The following FAT2 variants were observed in gnomAD, a reference collection of about 807,000 sequenced individuals.
FAT2 encodes FAT atypical cadherin 2, also known as protocadherin Fat 2.
In FAT2, 150 loss-of-function variants were observed where a neutral mutation model predicts 295.3. The ratio of observed to expected loss-of-function variants is 0.51; its 90% CI spans 0.44 to 0.58. The LOEUF (loss-of-function observed/expected upper bound fraction) is 0.58. FAT2 is among the 20% of genes least tolerant of loss of function. The pLI, the probability that FAT2 is intolerant of heterozygous loss-of-function variation, is 0.00. For synonymous variants in FAT2, 2,026 were observed against 2,150.3 expected, an observed-to-expected ratio of 0.94 and a Z score of 1.60; for missense variants, 4,868 against 5,442.7, an observed-to-expected ratio of 0.89 and a Z score of 3.32.
chr5:151,565,848 G>A lies in FAT2; in HGVS notation c.3084C>T (p.His1028=). The change falls in exon 2 of 24, where the codon CAC becomes CAT. Residue 1028 remains histidine, a synonymous_variant. Transcript: ENST00000261800. ...GCACGAAGGAGGCAAAGTGGGGAGG[G>A]TGGAGATTCTCATTCACATCCAGGA... ...VIVLDVNENL[H]PPHFASFVHQ... is the part of the protein sequence containing the mutation. 6.2e-7 allele frequency: 1 copy of A among 1,614,156 alleles called. No individual in the cohort carries two copies. Among genetic ancestry groups the A allele is most frequent in the Non-Finnish European group, 8.5e-7 (1 of 1,180,032 alleles).
chr5:151,517,809 C>T (rs1753016844), intron 19 of FAT2, 44 bp from the exon 20 acceptor site: 2 of 1,608,024 alleles, frequency 1.2e-6, no homozygotes, highest in African/African-American at 1.3e-5. Context: ...GAAGTGGTCC[C>T]CATTGAGCCC....
chr5:151,583,658 T>C (rs745925382), intron 1 of FAT2, among the ~76,000 whole-genome samples: 5 of 152,164 alleles, frequency 3.3e-5, no homozygotes, highest in Non-Finnish European at 7.4e-5. Context: ...TGTACACTTA[T>C]GATTTGTGCA....
At chr5:151,526,464 AT>A (rs1753989050) in intron 17 of FAT2, among the ~76,000 whole-genome samples, 2 of 152,218 alleles carry the variant, frequency 1.3e-5, no homozygotes, top group South Asian at 4.1e-4. Flanking sequence ...CCTGAGTATC[AT>A]TTTAGCCTTT....
chr5:151,526,222 G>C (rs1395245600), intron 17 of FAT2, among the ~76,000 whole-genome samples: 1 of 152,200 alleles, frequency 6.6e-6, no homozygotes, highest in Non-Finnish European at 1.5e-5. Flanking sequence ...AGGATCCTTA[G>C]AGAACAAAGG....
chr5:151,535,480 A>AC (rs1395370371), intron 12 of FAT2, among the ~76,000 whole-genome samples: 2 of 152,142 alleles, frequency 1.3e-5, no homozygotes, highest in African/African-American at 4.8e-5. Context: ...ATATAGCTGA[A>AC]CACAGGGCGG....
chr5:151,582,323 C>G (rs1010576979), intron 1 of FAT2, among the ~76,000 whole-genome samples: 1 of 152,230 alleles, frequency 6.6e-6, no homozygotes, highest in Non-Finnish European at 1.5e-5. Flanking sequence ...ACCCAGCCAT[C>G]AGCAGACACA....
At position 151,543,213 on chromosome 5, in the gene FAT2, T is replaced by C; in HGVS notation, c.7914A>G (p.Pro2638=). The change falls in exon 10 of 24, where the codon CCA becomes CCG. Residue 2638 remains proline (P), a synonymous_variant. Transcript: ENST00000261800. The part of the protein sequence containing the change: ...DLVKDVIEIN[P]VTGVVKVKDS... ...CTTTCACCTTGACCACACCAGTGAC[T>C]GGGTTAATTTCAATGACATCTTTAA... The C allele has an allele frequency of 5.0e-6, 8 of 1,614,206 alleles. No individual in the cohort carries two copies. Among genetic ancestry groups the C allele is most frequent in the Non-Finnish European group, 6.8e-6 (8 of 1,180,022 alleles).
intron 8 of FAT2, 33 bp downstream of exon 8, chr5:151,550,557 A>C: frequency 6.2e-7 from 1 of 1,610,962 alleles, no homozygotes; most frequent in Non-Finnish European, 8.5e-7. Flanking sequence ...CTACATGCAA[A>C]CGTATTCTCA....
At chr5:151,537,491 C>CTAAAATAAATTTTAAAAGAA (rs1755562316) in intron 12 of FAT2, among the ~76,000 whole-genome samples, 1 of 151,046 alleles carries the variant, frequency 6.6e-6, no homozygotes, top group South Asian at 2.1e-4. Flanking sequence ...GTCAGCTGTG[C>CTAAAATAAATTTTAAAAGAA]TAAAATAAAT....
Position 151,529,289 on chromosome 5 carries a change from G to A in FAT2, c.9915C>T (p.Thr3305=), listed in dbSNP as rs941050858. 1 of 1,613,960 alleles carries A rather than the reference G, an allele frequency of 6.2e-7. No individual in the cohort carries two copies. The highest frequency in any genetic ancestry group is 8.5e-7 in the Non-Finnish European group (1 of 1,179,964). The part of the protein sequence containing the change: ...RKSSSSLSDV[T]TVMVNITDVN... Reference sequence around the variant, plus strand: ...CATCAGTGATGTTGACCATGACTGTGGTCACGTCACTGAGGGAAGAGGAGC... The same window carrying A: ...CATCAGTGATGTTGACCATGACTGTAGTCACGTCACTGAGGGAAGAGGAGC... Residue 3305 remains threonine (T), a synonymous_variant, in exon 15 of 24, where the codon ACC becomes ACT. Coordinates refer to ENST00000261800, the MANE Select transcript of FAT2 (RefSeq NM_001447.3).
In FAT2 at chr5:151,566,173, T is replaced by C; in HGVS notation, c.2759A>G (p.Asp920Gly). ...TTCTGTGATGCACTGGGGAGAGTTG[T>C]CGTTGACATCCTCCAATGTGATTAT... ...DLIITLEDVN[D>G]NSPQCITEHN... The change falls in exon 2 of 24, where the codon GAC becomes GGC. Residue 920 changes from aspartate (D) to glycine (G), a missense_variant. Asp to Gly is a moderately conservative substitution (Grantham distance 94). Around this residue, in one of 5 missense-constraint regions of FAT2, gnomAD observed 3,297 missense variants for 3,669.4 expected, o/e 0.90. Transcript: ENST00000261800. 6.2e-7 allele frequency: 1 copy of C among 1,614,166 alleles called. No individual in the cohort carries two copies. Among genetic ancestry groups the C allele is most frequent in the Non-Finnish European group, 8.5e-7 (1 of 1,180,036 alleles).
In FAT2 at chr5:151,578,768, G is replaced by A. The variant is rs1758836222; in HGVS notation, c.-20-9817C>T. Among the ~76,000 whole-genome samples, 10 of 152,202 alleles carry A rather than the reference G, an allele frequency of 6.6e-5. No individual in the cohort carries two copies. The South Asian group carries it at 2.1e-3, about 31-fold the overall frequency. ...AAGAAAATATGGCCTATATACACAA[G>A]AGAATGTCATTCAGCCTTAAAAGGT... On this transcript the variant is annotated intron_variant, in intron 1 of 23. Coordinates refer to ENST00000261800, the MANE Select transcript of FAT2 (RefSeq NM_001447.3).
rs374768613 is a variant in FAT2, at chr5:151,534,648, C to A, written c.9194-6G>T. On this transcript the variant is annotated splice_polypyrimidine_tract_variant and splice_region_variant and intron_variant, in intron 12 of 23. Transcript: ENST00000261800. ...AGTGAGTGTGGTCAGCTCCCCTGGTCGGAGAAATGACAAAAGTTGAGCTTT... is the reference window on the plus strand; with the variant it reads ...AGTGAGTGTGGTCAGCTCCCCTGGTAGGAGAAATGACAAAAGTTGAGCTTT... 8 of 1,600,254 alleles carry A rather than the reference C, an allele frequency of 5.0e-6. No homozygotes were observed. In the East Asian group the frequency reaches 1.6e-4, roughly 31 times the overall value.
At chr5:151,526,561 T>C (rs1255184149) in intron 17 of FAT2, among the ~76,000 whole-genome samples, 1 of 152,250 alleles carries the variant, frequency 6.6e-6, no homozygotes, top group Non-Finnish European at 1.5e-5. Context: ...GGGCAGAAAC[T>C]GATCGTTGCC....
At chr5:151,548,881 A>G (rs1351669496) in intron 9 of FAT2, among the ~76,000 whole-genome samples, 1 of 152,256 alleles carries the variant, frequency 6.6e-6, no homozygotes, top group East Asian at 1.9e-4. Flanking sequence ...ATAAACCCAT[A>G]AAATAGATAC....
Position 151,505,874 on chromosome 5 carries a change from G to A in FAT2, c.12741C>T (p.Asn4247=). 1 of 1,606,018 alleles carries A rather than the reference G, an allele frequency of 6.2e-7. No homozygotes were observed. The highest frequency in any genetic ancestry group is 8.5e-7 in the Non-Finnish European group (1 of 1,177,672). The change falls in exon 24 of 24, where the codon AAC becomes AAT. Residue 4247 remains asparagine, a synonymous_variant. Coordinates refer to ENST00000261800, the MANE Select transcript of FAT2 (RefSeq NM_001447.3). ...APLPPRYSNQ[N]LEDLMPSRPP... ...GCCGAGAGGGCATCAGATCTTCCAG[G>A]TTCTGGTTGCTGTAACGGGGTGGGA...
Position 151,546,035 on chromosome 5 carries a change from T to A in FAT2, c.5092A>T (p.Asn1698Tyr). The change falls in exon 10 of 24, where the codon AAT becomes TAT. Residue 1698 changes from asparagine (N) to tyrosine (Y), a missense_variant. By Grantham distance (143) the Asn-to-Tyr change is moderately radical. This residue lies in a region of FAT2 where 3,297 missense variants were observed against 3,669.4 expected (regional missense o/e 0.90). Coordinates refer to ENST00000261800, the MANE Select transcript of FAT2 (RefSeq NM_001447.3). ...TTCATAGAGAAGACTCCATCCTTAT[T>A]TCCCTCTCTTAACTCATAGGTAACT... ...SEVTYELREGNKDGVFSMNSY... is the reference protein window; with the variant it reads ...SEVTYELREGYKDGVFSMNSY... 1.2e-6 allele frequency: 2 copies of A among 1,614,184 alleles called. No individual in the cohort carries two copies. The highest frequency in any genetic ancestry group is 1.7e-6 in the Non-Finnish European group (2 of 1,180,030).
chr5:151,542,494 T>C lies in FAT2; in HGVS notation c.8633A>G (p.Tyr2878Cys). 1.9e-6 allele frequency: 3 copies of C among 1,614,198 alleles called. No individual in the cohort carries two copies. The highest frequency in any genetic ancestry group is 1.1e-5 in the South Asian group (1 of 91,088). Residue 2878 changes from tyrosine (Y) to cysteine (C), a missense_variant, in exon 10 of 24, where the codon TAT becomes TGT. Physicochemically the swap from Tyr to Cys is radical, Grantham distance 194 (BLOSUM62 -2). Around this residue, in one of 5 missense-constraint regions of FAT2, gnomAD observed 3,297 missense variants for 3,669.4 expected, o/e 0.90. Coordinates refer to ENST00000261800, the MANE Select transcript of FAT2 (RefSeq NM_001447.3). ...CQTYHFHVVAYDHGQTIQLSS... is the reference protein window; with the variant it reads ...CQTYHFHVVACDHGQTIQLSS... Reference sequence around the variant, plus strand: ...TAGCTGGATGGTCTGTCCGTGGTCATAGGCCACCACATGAAAATGATAAGT... The same window carrying C: ...TAGCTGGATGGTCTGTCCGTGGTCACAGGCCACCACATGAAAATGATAAGT...
In FAT2 at chr5:151,505,646, G is replaced by C. The variant is rs746927092; in HGVS notation, c.12969C>G (p.Gly4323=). Residue 4323 remains glycine (G), a synonymous_variant, in exon 24 of 24, where the codon GGC becomes GGG. Coordinates refer to ENST00000261800, the MANE Select transcript of FAT2 (RefSeq NM_001447.3). ...EVEGAPLAGQ[G]QPRVPPNYEG... is the part of the protein sequence containing the mutation. The stretch of plus-strand genomic sequence containing the variant: ...CATAGTTGGGGGGCACCCGGGGCTG[G>C]CCCTGGCCTGCAAGAGGTGCCCCCT... 5.6e-6 allele frequency: 9 copies of C among 1,614,006 alleles called. 1 individual carries two copies. In the African/African-American group the frequency reaches 8.0e-5, roughly 14 times the overall value.
Sources: gnomAD v4.1 joint callset for allele counts (sites outside exome capture counted in the v4.1 genomes callset) on GRCh38, gnomAD v4.1.1 for gene constraint, gnomAD v4.1.1 regional missense constraint, MANE v1.5 for transcripts, NCBI Gene and HGNC (gene_info 2026-07-23, HGNC 2026-07-21) for gene names.